The following SHANK2 variants were observed in gnomAD, a reference collection of about 807,000 sequenced individuals.
SHANK2 encodes SH3 and multiple ankyrin repeat domains protein 2.
A neutral mutation model predicts 133.7 loss-of-function variants in SHANK2; 43 were observed. The observed-to-expected ratio is 0.32, with a 90% confidence interval of 0.25 to 0.41. SHANK2 has a LOEUF of 0.41. Ranked by LOEUF, SHANK2 falls within the 10% of genes least tolerant of loss-of-function variation. The probability of loss-of-function intolerance (pLI) is 1.00; values close to 1 mark genes in which losing one functional copy is unlikely to be tolerated. For missense variants in SHANK2, 1,994 were observed against 2,235.8 expected, an observed-to-expected ratio of 0.89 and a Z score of 2.18; for synonymous variants, 1,017 against 952.8, an observed-to-expected ratio of 1.07 and a Z score of -1.24.
At position 70,896,583 on chromosome 11, in the gene SHANK2, C is replaced by A; in HGVS notation, c.1108-16G>T. The A allele has an allele frequency of 1.4e-6, 1 of 718,836 alleles. No homozygotes were observed. The highest frequency in any genetic ancestry group is 1.5e-5 in the South Asian group (1 of 67,496). The allele number at this position is 718,836 out of a possible 1,614,324, so 44.5% of individuals were successfully genotyped here. The stretch of plus-strand genomic sequence containing the variant: ...TTATGGCCACCTGCAAAGTGAAAAT[C>A]ACATTAAGTTAAGTGTCACCTGCAG... On this transcript the variant is annotated splice_polypyrimidine_tract_variant and intron_variant, in intron 10 of 25. Transcript: ENST00000601538.
At chr11:70,545,217 C>T (rs1260946221) in intron 17 of SHANK2, among the ~76,000 whole-genome samples, 3 of 152,256 alleles carry the variant, frequency 2.0e-5, no homozygotes, top group Admixed American at 6.5e-5. Context: ...TGTCTGAGCT[C>T]CTAATCCGGC....
intron 10 of SHANK2, among the ~76,000 whole-genome samples, chr11:70,897,057 A>T (rs1407382984): frequency 6.6e-6 from 1 of 152,216 alleles, no homozygotes; most frequent in Non-Finnish European, 1.5e-5. Flanking sequence ...GAAAAATTCT[A>T]CCCATAGATG....
intron 11 of SHANK2, 111 bp from the exon 12 acceptor site, chr11:70,820,793 C>A: frequency 1.8e-6 from 1 of 564,044 alleles, no homozygotes; most frequent in Non-Finnish European, 3.1e-6. Context: ...CCATGCGAGC[C>A]CAGCAGAGGG....
intron 1 of SHANK2, among the ~76,000 whole-genome samples, chr11:71,234,935 ACACC>A (rs1329212463): frequency 6.6e-6 from 1 of 152,172 alleles, no homozygotes; most frequent in East Asian, 1.9e-4. Flanking sequence ...AAAGAACAAA[ACACC>A]CACCCACACA....
At chr11:71,206,345 T>G (rs1324457783) in intron 2 of SHANK2, among the ~76,000 whole-genome samples, 3 of 152,178 alleles carry the variant, frequency 2.0e-5, no homozygotes, top group African/African-American at 4.8e-5. Context: ...ACATCGTGAC[T>G]GTTAAACAGC....
At chr11:70,483,763 C>T (rs1407659351) in intron 25 of SHANK2, among the ~76,000 whole-genome samples, 2 of 152,148 alleles carry the variant, frequency 1.3e-5, no homozygotes, top group East Asian at 1.9e-4. Context: ...TAGGTGTATA[C>T]GTACATAATT....
intron 14 of SHANK2, among the ~76,000 whole-genome samples, chr11:70,786,389 T>G (rs1440643975): frequency 6.6e-6 from 1 of 152,178 alleles, no homozygotes; most frequent in Non-Finnish European, 1.5e-5. Flanking sequence ...CACAGTGCCC[T>G]GCATGGCCAG....
At chr11:70,586,697 A>C (rs1554986827) in intron 17 of SHANK2, among the ~76,000 whole-genome samples, 1 of 152,154 alleles carries the variant, frequency 6.6e-6, no homozygotes, top group Non-Finnish European at 1.5e-5. Flanking sequence ...TCCTTCCCTT[A>C]TTTATATCTC....
chr11:70,725,475 G>A (rs1555030419), intron 14 of SHANK2, among the ~76,000 whole-genome samples: 2 of 152,224 alleles, frequency 1.3e-5, no homozygotes, highest in African/African-American at 2.4e-5. Flanking sequence ...GCCTTTGACA[G>A]CTGCATGTCA....
At chr11:70,480,074 A>G (rs1196467936) in intron 25 of SHANK2, among the ~76,000 whole-genome samples, 1 of 152,182 alleles carries the variant, frequency 6.6e-6, no homozygotes, top group African/African-American at 2.4e-5. Context: ...ACTTTGCTGA[A>G]GCCCTCTGAA....
chr11:70,579,642 G>A (rs975977956), intron 17 of SHANK2, among the ~76,000 whole-genome samples: 13 of 152,198 alleles, frequency 8.5e-5, no homozygotes, highest in African/African-American at 1.7e-4. Flanking sequence ...CGGTGTCCCC[G>A]GGACCTGTCC....
At chr11:70,840,820 T>C (rs1395098797) in intron 11 of SHANK2, among the ~76,000 whole-genome samples, 1 of 152,174 alleles carries the variant, frequency 6.6e-6, no homozygotes, top group Non-Finnish European at 1.5e-5. Flanking sequence ...GTTCTCATGC[T>C]GCAGCCATCC....
intron 17 of SHANK2, among the ~76,000 whole-genome samples, chr11:70,521,092 C>A (rs1483122343): frequency 6.6e-6 from 1 of 152,194 alleles, no homozygotes; most frequent in East Asian, 1.9e-4. Flanking sequence ...AAATATTCTA[C>A]CCTCTTCATG....
chr11:70,693,189 G>T (rs536746187), intron 15 of SHANK2, among the ~76,000 whole-genome samples: 1 of 152,194 alleles, frequency 6.6e-6, no homozygotes, highest in South Asian at 2.1e-4. Context: ...CTCCTCACTG[G>T]TTTCCATCCA....
chr11:70,605,252 C>T (rs1185342181), intron 17 of SHANK2, among the ~76,000 whole-genome samples: 9 of 152,352 alleles, frequency 5.9e-5, no homozygotes, highest in Admixed American at 1.3e-4. Flanking sequence ...CTGGCCACTC[C>T]ATCGTTGTGA....
chr11:70,915,487 G>A (rs1165901518), intron 10 of SHANK2, among the ~76,000 whole-genome samples: 2 of 152,172 alleles, frequency 1.3e-5, no homozygotes, highest in African/African-American at 4.8e-5. Context: ...GGGAAGGGAC[G>A]GTGCCATCCC....
chr11:70,685,906 T>C (rs934759521), intron 15 of SHANK2, among the ~76,000 whole-genome samples: 1 of 152,098 alleles, frequency 6.6e-6, no homozygotes, highest in African/African-American at 2.4e-5. Flanking sequence ...TCCCCACCCT[T>C]ACCCCAAGTC....
At chr11:70,674,627 G>C (rs925980498) in intron 15 of SHANK2, among the ~76,000 whole-genome samples, 1 of 152,258 alleles carries the variant, frequency 6.6e-6, no homozygotes, top group Admixed American at 6.5e-5. Flanking sequence ...GGGATTAGAG[G>C]CGTGAGCCAC....
At chr11:70,729,907 A>G (rs1357673920) in intron 14 of SHANK2, among the ~76,000 whole-genome samples, 1 of 151,574 alleles carries the variant, frequency 6.6e-6, no homozygotes, top group Non-Finnish European at 1.5e-5. Context: ...TACTAAAAAA[A>G]AAAAAAAAAA....
Sources: allele counts gnomAD v4.1 joint callset (sites outside exome capture counted in the v4.1 genomes callset), GRCh38; gene constraint gnomAD v4.1.1; transcripts MANE v1.5; gene names NCBI Gene and HGNC (gene_info 2026-07-23, HGNC 2026-07-21).